GPHN: variants seen among roughly 807,000 people sequenced by gnomAD.
The protein encoded by GPHN is gephyrin.
GPHN carries 17 observed loss-of-function variants against 95.5 expected under a neutral mutation model. The observed-to-expected ratio is 0.18, with a 90% confidence interval of 0.12 to 0.27. The LOEUF is 0.27. GPHN is among the 10% of genes least tolerant of loss of function. The probability of loss-of-function intolerance (pLI) is 1.00; values close to 1 mark genes in which losing one functional copy is unlikely to be tolerated. For synonymous variants in GPHN, 320 were observed against 322.5 expected (o/e 0.99, Z 0.08); for missense variants, 660 against 978.1 (o/e 0.67, Z 4.34).
the GPHN span, chr14:67,649,900 G>T: frequency 1.3e-5 from 2 of 152,228 alleles, no homozygotes; most frequent in Middle Eastern, 3.4e-3. Context: ...AAATTCTATA[G>T]AGAAGTGAGG....
At chr14:66,578,673 A>AAG (rs2061010367) in intron 1 of GPHN, among the ~76,000 whole-genome samples, 1 of 146,586 alleles carries the variant, frequency 6.8e-6, no homozygotes, top group Non-Finnish European at 1.5e-5. Flanking sequence ...AAAAAAAAAA[A>AAG]GCAAACAAAA....
the GPHN span, chr14:67,586,514 G>A: frequency 3.7e-6 from 3 of 810,976 alleles, no homozygotes; most frequent in Non-Finnish European, 3.6e-6. Context: ...AAGTGGGACA[G>A]TCCCACAGTG....
chr14:67,388,080 A>AT, the GPHN span: 1 of 595,832 alleles, frequency 1.7e-6, no homozygotes, highest in Non-Finnish European at 3.0e-6. Context: ...CAATTCTGAA[A>AT]TTCACTTCAA....
At position 67,181,023 on chromosome 14, in the gene GPHN, C is replaced by T. The variant is rs2083301138; in HGVS notation, c.*86C>T. 9 of 1,315,662 alleles carry T rather than the reference C, an allele frequency of 6.8e-6. No homozygotes were observed. The Admixed American group carries it at 1.2e-4, about 18-fold the overall frequency. 81.5% of individuals were successfully genotyped at this position (1,315,662 alleles called of 1,614,324 possible). A position where few individuals can be genotyped will look rare whatever the true frequency, so the allele number is the denominator to read the frequency against. On this transcript the variant is annotated 3_prime_UTR_variant, in exon 23 of 23. Coordinates refer to ENST00000478722, the MANE Select transcript of GPHN (RefSeq NM_020806.5). ...TATGCAACGGCACAGCTAGTTTTCC[C>T]GATTTGGATAAAAGTTGATCTGTAT...
chr14:66,786,401 T>C (rs953090027), intron 3 of GPHN, among the ~76,000 whole-genome samples: 1 of 151,996 alleles, frequency 6.6e-6, no homozygotes, highest in African/African-American at 2.4e-5. Context: ...ATGAAAAAGT[T>C]CCTGAAAAAG....
chr14:66,806,515 T>C lies in GPHN; in HGVS notation c.202-17959T>C, dbSNP rs891569013. ...TTGTCAGGCTGCAAATTTTCCAAAC[T>C]TTTACACTCTGCTTCCCTTATAAAA... On this transcript the variant is annotated intron_variant, in intron 3 of 22. Coordinates refer to ENST00000478722, the MANE Select transcript of GPHN (RefSeq NM_020806.5). Among the ~76,000 whole-genome samples, 6 of 152,182 alleles carry C rather than the reference T, an allele frequency of 3.9e-5. No homozygotes were observed. In the East Asian group the frequency reaches 1.2e-3, roughly 29 times the overall value.
At chr14:67,407,638 A>C in the GPHN span, among the ~76,000 whole-genome samples, 1 of 151,728 alleles carries the variant, frequency 6.6e-6, no homozygotes, top group East Asian at 1.9e-4. Context: ...ATGAGTTCTC[A>C]TTTTGTTGCC....
chr14:67,222,482 G>T, the GPHN span, among the ~76,000 whole-genome samples: 1,836 of 152,210 alleles, frequency 0.012, 19 homozygotes, highest in Non-Finnish European at 0.018. Context: ...CACCATGTTG[G>T]CCAGGATGGT....
At chr14:67,273,032 C>T in the GPHN span, among the ~76,000 whole-genome samples, 145 of 152,096 alleles carry the variant, frequency 9.5e-4, no homozygotes, top group African/African-American at 3.2e-3. Context: ...AGTTGAGGAC[C>T]GCATTTCTAA....
At chr14:67,223,149 G>A in the GPHN span, among the ~76,000 whole-genome samples, 4 of 152,032 alleles carry the variant, frequency 2.6e-5, no homozygotes, top group Admixed American at 6.5e-5. Context: ...ACAAGCACCC[G>A]CCACCATGCC....
chr14:67,187,764 T>C, the GPHN span, among the ~76,000 whole-genome samples: 1 of 152,208 alleles, frequency 6.6e-6, no homozygotes, highest in Non-Finnish European at 1.5e-5. Flanking sequence ...GTGCCTTTGC[T>C]CAGACTGACT....
intron 1 of GPHN, among the ~76,000 whole-genome samples, chr14:66,671,800 C>T (rs537913425): frequency 3.8e-4 from 58 of 152,214 alleles, no homozygotes; most frequent in African/African-American, 1.3e-3. Flanking sequence ...TCTATGACAT[C>T]TGCAGTGATG....
At chr14:67,514,292 C>T in the GPHN span, among the ~76,000 whole-genome samples, 2 of 152,258 alleles carry the variant, frequency 1.3e-5, no homozygotes, top group African/African-American at 2.4e-5. Context: ...GAAAGGGGTC[C>T]GTTTCTGACT....
intron 8 of GPHN, among the ~76,000 whole-genome samples, chr14:66,942,534 A>C (rs1056812970): frequency 6.6e-6 from 1 of 152,238 alleles, no homozygotes; most frequent in African/African-American, 2.4e-5. Flanking sequence ...GGGTAGTTAC[A>C]GTTAGAATCA....
intron 5 of GPHN, among the ~76,000 whole-genome samples, chr14:66,907,182 T>C (rs2065428332): frequency 1.3e-5 from 2 of 152,176 alleles, no homozygotes; most frequent in Non-Finnish European, 2.9e-5. Context: ...AACCAAGATT[T>C]ACTTCAATAG....
the GPHN span, chr14:67,270,751 T>A: frequency 2.6e-5 from 4 of 152,226 alleles, no homozygotes; most frequent in African/African-American, 9.6e-5. Context: ...TACAGTATAA[T>A]GTTTCTTTAA....
the GPHN span, among the ~76,000 whole-genome samples, chr14:67,188,343 T>C: frequency 6.6e-6 from 1 of 152,248 alleles, no homozygotes; most frequent in African/African-American, 2.4e-5. Context: ...TTCCTTCTTT[T>C]GGTATTTCTT....
the GPHN span, chr14:67,225,156 A>T: frequency 6.3e-7 from 1 of 1,585,672 alleles, no homozygotes; most frequent in Non-Finnish European, 8.6e-7. Flanking sequence ...TAATTTCCTC[A>T]AACTTGTGCC....
At chr14:66,961,954 ATC>A (rs2068974163) in intron 8 of GPHN, among the ~76,000 whole-genome samples, 1 of 132,208 alleles carries the variant, frequency 7.6e-6, no homozygotes, top group South Asian at 2.4e-4. Flanking sequence ...ATATACACAT[ATC>A]TCCCAGAAAT....
Sources: allele counts gnomAD v4.1 joint callset (sites outside exome capture counted in the v4.1 genomes callset), GRCh38; gene constraint gnomAD v4.1.1; transcripts MANE v1.5; gene names NCBI Gene and HGNC (gene_info 2026-07-23, HGNC 2026-07-21).